The following CD46 variants were observed in gnomAD, a reference collection of about 807,000 sequenced individuals.
The protein encoded by CD46 is CD46 molecule.
A neutral mutation model predicts 53.3 loss-of-function variants in CD46; 30 were observed. That is an observed-to-expected ratio of 0.56 (90% CI 0.42 to 0.76). CD46 has a LOEUF of 0.76. CD46 is among the 30% of genes least tolerant of loss of function. The pLI is 0.00. For missense variants in CD46, 409 were observed against 463.0 expected (o/e 0.88, Z 1.07); for synonymous variants, 142 against 152.0 (o/e 0.93, Z 0.48).
intron 3 of CD46, among the ~76,000 whole-genome samples, chr1:207,759,258 G>A (rs1252968765): frequency 2.0e-5 from 3 of 152,216 alleles, no homozygotes; most frequent in African/African-American, 2.4e-5. Flanking sequence ...TTGAGAAGCA[G>A]GGACTTGAAT....
At chr1:207,782,187 A>G (rs1421838640) in intron 8 of CD46, among the ~76,000 whole-genome samples, 1 of 152,010 alleles carries the variant, frequency 6.6e-6, no homozygotes, top group African/African-American at 2.4e-5. Context: ...ATTACAAATG[A>G]TATTGTTTTC....
Position 207,759,739 on chromosome 1 carries a change from T to C in CD46, c.475+15T>C. 1 of 1,523,106 alleles carries C rather than the reference T, an allele frequency of 6.6e-7. No individual in the cohort carries two copies. The highest frequency in any genetic ancestry group is 9.1e-7 in the Non-Finnish European group (1 of 1,099,010). The allele number at this position is 1,523,106 out of a possible 1,614,324, so 94.3% of individuals were successfully genotyped here. On this transcript the variant is annotated intron_variant, in intron 4 of 12. Coordinates refer to ENST00000367042, the MANE Select transcript of CD46 (RefSeq NM_172351.3). ...AATATGTGAAAGTAAGTAAATTCTT[T>C]TTTTTTAAATTTAGACCAGTAGTCC... is the stretch of plus-strand genomic sequence containing the variant.
rs767322836 is a variant in CD46 at position 207,785,631 on chromosome 1, C to G, written c.1031C>G (p.Ala344Gly). 8.1e-6 allele frequency: 13 copies of G among 1,608,834 alleles called. No individual in the cohort carries two copies. In the East Asian group the frequency reaches 2.7e-4, roughly 33 times the overall value. Reference protein sequence around the residue: ...VIVIAIVVGVAVICVVPYRYL... With the variant: ...VIVIAIVVGVGVICVVPYRYL... ...TGGTTTCTTATAGTTGTTGGAGTTG[C>G]AGTAATTTGTGTTGTCCCGTACAGA... The change falls in exon 11 of 13, where the codon GCA (alanine) becomes GGA (glycine). Residue 344 changes from alanine (A) to glycine (G), a missense_variant. Transcript: ENST00000367042.
chr1:207,766,686 A>G (rs2102593636), intron 5 of CD46, among the ~76,000 whole-genome samples: 1 of 152,286 alleles, frequency 6.6e-6, no homozygotes, highest in Admixed American at 6.5e-5. Flanking sequence ...CAAAATTTTA[A>G]AAAGCAGCCA....
chr1:207,779,477 A>G (rs1206740309), intron 8 of CD46, among the ~76,000 whole-genome samples: 1 of 152,150 alleles, frequency 6.6e-6, no homozygotes, highest in Non-Finnish European at 1.5e-5. Flanking sequence ...TTAAGTATAT[A>G]CCATACCTTA....
Position 207,785,677 on chromosome 1 carries a change from G to C in CD46, c.1077G>C (p.Lys359Asn). The change falls in exon 11 of 13, where the codon AAG becomes AAC. Residue 359 changes from lysine to asparagine, a missense_variant. Physicochemically the swap from Lys to Asn is moderately conservative, Grantham distance 94. Coordinates refer to ENST00000367042, the MANE Select transcript of CD46 (RefSeq NM_172351.3). ...ACAGATATCTTCAAAGGAGGAAGAA[G>C]AAAGGGTAAATTAAAGCATGTTTCT... ...VPYRYLQRRK[K>N]KGTYLTDETH... 6.2e-7 allele frequency: 1 copy of C among 1,602,280 alleles called. No individual in the cohort carries two copies. Among genetic ancestry groups the C allele is most frequent in the Non-Finnish European group, 8.6e-7 (1 of 1,169,504 alleles).
At chr1:207,762,978 G>A (rs1656406008) in intron 5 of CD46, 1 of 152,640 alleles carries the variant, frequency 6.6e-6, no homozygotes, top group African/African-American at 2.4e-5. Context: ...GCATCTGGGA[G>A]ACGGACAGCC....
At chr1:207,772,775 T>C (rs757195213) in intron 8 of CD46, among the ~76,000 whole-genome samples, 9 of 152,224 alleles carry the variant, frequency 5.9e-5, no homozygotes, top group Admixed American at 1.3e-4. Context: ...GGATAAGCTT[T>C]TTGATGTGCT....
rs41317075 is a variant in CD46 at position 207,759,878 on chromosome 1, C to T, written c.475+154C>T. 4,864 of 578,652 alleles carry T rather than the reference C, an allele frequency of 8.4e-3. 173 individuals are homozygous for T. The highest frequency in any genetic ancestry group is 0.079 in the African/African-American group (4,147 of 52,826). 35.8% of individuals were successfully genotyped at this position (578,652 alleles called of 1,614,324 possible). A position where few individuals can be genotyped will look rare whatever the true frequency, so the allele number is the denominator to read the frequency against. On this transcript the variant is annotated intron_variant, in intron 4 of 12. Transcript: ENST00000367042. ...GGTATTTATCATATTGGAATTCAAACGGAGAGGTTTTTAAATAATTATTGA... is the reference window on the plus strand; with the variant it reads ...GGTATTTATCATATTGGAATTCAAATGGAGAGGTTTTTAAATAATTATTGA...
rs1660153733 is a variant in CD46 at position 207,795,241 on chromosome 1, T to A, written c.*1764T>A. The A allele has an allele frequency of 6.6e-6, 1 of 152,176 alleles. No homozygotes were observed. The highest frequency in any genetic ancestry group is 1.5e-5 in the Non-Finnish European group (1 of 68,038). The allele number at this position is 152,176 out of a possible 1,614,324, so 9.4% of individuals were successfully genotyped here. A position where few individuals can be genotyped will look rare whatever the true frequency, so the allele number is the denominator to read the frequency against. On this transcript the variant is annotated 3_prime_UTR_variant, in exon 13 of 13. Coordinates refer to ENST00000367042, the MANE Select transcript of CD46 (RefSeq NM_172351.3). ...TGTATAGCAGTTTCTGCTTCACATT[T>A]GATTTTTTCAAATTTAATATTTATA... is the stretch of plus-strand genomic sequence containing the variant.
At chr1:207,764,951 G>A (rs1656678078) in intron 5 of CD46, among the ~76,000 whole-genome samples, 1 of 152,184 alleles carries the variant, frequency 6.6e-6, no homozygotes, top group South Asian at 2.1e-4. Flanking sequence ...ATTTTATGAT[G>A]ATAGCATTGT....
chr1:207,768,664 T>A (rs918193620), intron 7 of CD46: 1 of 152,236 alleles, frequency 6.6e-6, no homozygotes, highest in Non-Finnish European at 1.5e-5. Context: ...ACCACTGTGC[T>A]TATGACTGGA....
Position 207,752,199 on chromosome 1 carries a change from C to G in CD46, c.-14C>G. Reference sequence around the variant, plus strand: ...CTTTCCTCCGGAGAAATAACAGCGTCTTCCGCGCCGCGCATGGAGCCTCCC... The same window carrying G: ...CTTTCCTCCGGAGAAATAACAGCGTGTTCCGCGCCGCGCATGGAGCCTCCC... On this transcript the variant is annotated 5_prime_UTR_variant, in exon 1 of 13. Coordinates refer to ENST00000367042, the MANE Select transcript of CD46 (RefSeq NM_172351.3). The surrounding 1 kb of genome is among the most constrained non-coding windows in gnomAD (Gnocchi z 4.1). The G allele has an allele frequency of 2.5e-6, 4 of 1,612,528 alleles. No homozygotes were observed. The highest frequency in any genetic ancestry group is 2.5e-6 in the Non-Finnish European group (3 of 1,179,342).
In CD46 at chr1:207,795,428, C is replaced by CTGAT. The variant is rs1558090293; in HGVS notation, c.*1952_*1955dup. 6.6e-6 allele frequency: 1 copy of CTGAT among 152,330 alleles called. No homozygotes were observed. Among genetic ancestry groups the CTGAT allele is most frequent in the East Asian group, 1.9e-4 (1 of 5,186 alleles). The allele number at this position is 152,330 out of a possible 1,614,324, so 9.4% of individuals were successfully genotyped here. ...ATTTGCTATAAAATGAGAAGTCTCA[C>CTGAT]TGATAGAGGTTCTTTATTGCTCATT... On this transcript the variant is annotated 3_prime_UTR_variant, in exon 13 of 13. Coordinates refer to ENST00000367042, the MANE Select transcript of CD46 (RefSeq NM_172351.3).
chr1:207,768,779 A>G (rs138869005), intron 7 of CD46: 1 of 152,356 alleles, frequency 6.6e-6, no homozygotes, highest in African/African-American at 2.4e-5. Context: ...AATTGTGGGT[A>G]GCACTTCAGT....
Position 207,752,181 on chromosome 1 carries a change from C to A in CD46, c.-32C>A. The A allele has an allele frequency of 6.2e-7, 1 of 1,603,114 alleles. No homozygotes were observed. Among genetic ancestry groups the A allele is most frequent in the Non-Finnish European group, 8.5e-7 (1 of 1,172,146 alleles). ...TGGCTCTCGGTTTCTCTGCTTTCCT[C>A]CGGAGAAATAACAGCGTCTTCCGCG... On this transcript the variant is annotated 5_prime_UTR_variant, in exon 1 of 13. Coordinates refer to ENST00000367042, the MANE Select transcript of CD46 (RefSeq NM_172351.3). The surrounding 1 kb of genome is among the most constrained non-coding windows in gnomAD (Gnocchi z 4.1).
intron 1 of CD46, among the ~76,000 whole-genome samples, chr1:207,756,285 G>A (rs1282213789): frequency 6.6e-6 from 1 of 152,174 alleles, no homozygotes; most frequent in Non-Finnish European, 1.5e-5. Flanking sequence ...TTAAATCACA[G>A]GGTGAGTAAT....
In CD46 at chr1:207,752,084, G is replaced by A. The variant is rs1041468036; in HGVS notation, c.-129G>A. The A allele has an allele frequency of 6.4e-6, 6 of 936,986 alleles. No individual in the cohort carries two copies. Among genetic ancestry groups the A allele is most frequent in the Non-Finnish European group, 1.0e-5 (6 of 577,322 alleles). The allele number at this position is 936,986 out of a possible 1,614,324, so 58.0% of individuals were successfully genotyped here. A position where few individuals can be genotyped will look rare whatever the true frequency, so the allele number is the denominator to read the frequency against. On this transcript the variant is annotated 5_prime_UTR_variant, in exon 1 of 13. Coordinates refer to ENST00000367042, the MANE Select transcript of CD46 (RefSeq NM_172351.3). This position sits in a 1 kb window ranked among gnomAD's most constrained non-coding sequence, Gnocchi z 4.1. ...TCGGGCCACGCCCACCTGTCCTGCA[G>A]CACTGGATGCTTTGTGAGTTGGGGA...
chr1:207,784,373 A>C (rs943908443), intron 9 of CD46, among the ~76,000 whole-genome samples: 1 of 152,220 alleles, frequency 6.6e-6, no homozygotes, highest in Non-Finnish European at 1.5e-5. Flanking sequence ...TCATGGGATA[A>C]TACTTTTCAA....
Sources: allele counts gnomAD v4.1 joint callset (sites outside exome capture counted in the v4.1 genomes callset), GRCh38; gene constraint gnomAD v4.1.1; non-coding constraint Gnocchi (gnomAD v3.1); transcripts MANE v1.5; gene names NCBI Gene and HGNC (gene_info 2026-07-23, HGNC 2026-07-21).